Variants in THSD4 observed in about 807,000 individuals in gnomAD.
THSD4 encodes thrombospondin type-1 domain-containing protein 4.
In THSD4, 69 loss-of-function variants were observed where a neutral mutation model predicts 119.0. That is an observed-to-expected ratio of 0.58 (90% CI 0.48 to 0.71). The LOEUF (loss-of-function observed/expected upper bound fraction) is 0.71. Ranked by LOEUF, THSD4 falls within the 30% of genes least tolerant of loss-of-function variation. The probability of loss-of-function intolerance (pLI) is 0.00; values close to 1 mark genes in which losing one functional copy is unlikely to be tolerated. For missense variants in THSD4, 1,393 were observed against 1,391.1 expected, an observed-to-expected ratio of 1.00 and a Z score of -0.02; for synonymous variants, 524 against 540.4, an observed-to-expected ratio of 0.97 and a Z score of 0.42.
intron 2 of THSD4, chr15:71,147,559 G>A (rs2040674979): frequency 6.6e-6 from 1 of 152,128 alleles, no homozygotes; most frequent in South Asian, 2.1e-4. Context: ...TCTTGAGGAT[G>A]GGTCAAGATT....
chr15:71,119,664 C>T (rs1486086669), intron 1 of THSD4, among the ~76,000 whole-genome samples: 1 of 152,160 alleles, frequency 6.6e-6, no homozygotes, highest in Non-Finnish European at 1.5e-5. Context: ...GGGACCTGAG[C>T]GAGTGCTCAG....
In THSD4 at chr15:71,593,221, G is replaced by A. The variant is rs1311824579; in HGVS notation, c.1153-67309G>A. The stretch of plus-strand genomic sequence containing the variant: ...GGGCGGATCACGAGGTCAGGAGATC[G>A]AGACCATCCCGGCTAAAACGGTGAA... On this transcript the variant is annotated intron_variant, in intron 7 of 17. Transcript: ENST00000261862. Among the ~76,000 whole-genome samples, 2 of 6,676 alleles carry A rather than the reference G, an allele frequency of 3.0e-4. 1 individual carries two copies. Among genetic ancestry groups the A allele is most frequent in the African/African-American group, 4.0e-4 (2 of 5,056 alleles). The allele number at this position is 6,676 out of a possible 152,430, so 4.4% of individuals were successfully genotyped here.
Position 71,777,736 on chromosome 15 carries a change from G to A in THSD4, c.*362G>A, listed in dbSNP as rs78526880. On this transcript the variant is annotated 3_prime_UTR_variant, in exon 18 of 18. Coordinates refer to ENST00000261862, the MANE Select transcript of THSD4 (RefSeq NM_024817.3). The stretch of plus-strand genomic sequence containing the variant: ...TGGGCCACTGACTGAGCACTGCCCC[G>A]TCCCTGGTGCTACTGGTCTTTCTAA... 25,458 of 259,514 alleles carry A rather than the reference G, an allele frequency of 0.098. 2,581 individuals carry two copies. Among genetic ancestry groups the A allele is most frequent in the East Asian group, 0.49 (6,185 of 12,598 alleles). The allele number at this position is 259,514 out of a possible 1,614,324, so 16.1% of individuals were successfully genotyped here.
chr15:71,679,979 A>G (rs1194920595), intron 8 of THSD4, among the ~76,000 whole-genome samples: 1 of 152,226 alleles, frequency 6.6e-6, no homozygotes, highest in Non-Finnish European at 1.5e-5. Flanking sequence ...CAGTGACTGT[A>G]GGTTGAGCAC....
intron 13 of THSD4, among the ~76,000 whole-genome samples, chr15:71,747,625 G>T (rs1317578777): frequency 1.3e-5 from 2 of 152,192 alleles, no homozygotes; most frequent in Non-Finnish European, 2.9e-5. Context: ...CAGCACAGAG[G>T]TTGCAATCAC....
intron 6 of THSD4, among the ~76,000 whole-genome samples, chr15:71,384,317 G>A (rs929833757): frequency 1.3e-5 from 2 of 152,094 alleles, no homozygotes; most frequent in East Asian, 3.9e-4. Flanking sequence ...GGCGGAACTT[G>A]CAGTGAGCCG....
At chr15:71,296,275 A>G (rs1237554101) in intron 6 of THSD4, among the ~76,000 whole-genome samples, 1 of 152,228 alleles carries the variant, frequency 6.6e-6, no homozygotes, top group Non-Finnish European at 1.5e-5. Context: ...TCCCATCAAC[A>G]ATAGATAAGG....
intron 7 of THSD4, among the ~76,000 whole-genome samples, chr15:71,467,025 T>G: frequency 6.6e-6 from 1 of 152,214 alleles, no homozygotes; most frequent in East Asian, 1.9e-4. Context: ...GAAGTCTTAT[T>G]CAATTCAAAT....
rs1174902044 is a variant in THSD4, at chr15:71,559,571, T to TC, written c.1153-100959_1153-100958insC. 2.6e-5 allele frequency among the ~76,000 whole-genome samples: 4 copies of TC among 151,966 alleles called. No homozygotes were observed. The East Asian group carries it at 7.8e-4, about 29-fold the overall frequency. ...TTTTATCCTTCTTTTCCTCCTTTTTTTTTTTGCAATAAATGTTTATTGGGC... is the reference window on the plus strand; with the variant it reads ...TTTTATCCTTCTTTTCCTCCTTTTTTCTTTTTGCAATAAATGTTTATTGGGC... On this transcript the variant is annotated intron_variant, in intron 7 of 17. Transcript: ENST00000261862.
At chr15:71,551,627 A>G (rs1223026445) in intron 7 of THSD4, among the ~76,000 whole-genome samples, 1 of 152,302 alleles carries the variant, frequency 6.6e-6, no homozygotes, top group Non-Finnish European at 1.5e-5. Context: ...AGTCTGGGGG[A>G]AACGAGATGG....
chr15:71,220,168 A>AG (rs1220149726), intron 4 of THSD4, among the ~76,000 whole-genome samples: 2 of 152,316 alleles, frequency 1.3e-5, no homozygotes, highest in Non-Finnish European at 1.5e-5. Context: ...AACCCAAAAA[A>AG]CACTGCCCAC....
At chr15:71,271,211 G>T (rs1567176949) in intron 6 of THSD4, among the ~76,000 whole-genome samples, 1 of 152,056 alleles carries the variant, frequency 6.6e-6, no homozygotes, top group Non-Finnish European at 1.5e-5. Context: ...CTTCAAACTG[G>T]TAACAACCCA....
rs550461616 is a variant in THSD4, at chr15:71,669,678, T to A, written c.1357+8944T>A. Among the ~76,000 whole-genome samples, 4 of 152,360 alleles carry A rather than the reference T, an allele frequency of 2.6e-5. 1 individual carries two copies. In the South Asian group the frequency reaches 8.3e-4, roughly 32 times the overall value. On this transcript the variant is annotated intron_variant, in intron 8 of 17. Coordinates refer to ENST00000261862, the MANE Select transcript of THSD4 (RefSeq NM_024817.3). ...TTATATTTATAAAGATAATGGATAGTTGCTTATTCTAGGTACGTTCAGTTG... is the reference window on the plus strand; with the variant it reads ...TTATATTTATAAAGATAATGGATAGATGCTTATTCTAGGTACGTTCAGTTG...
chr15:71,465,140 G>A lies in THSD4; in HGVS notation c.1152+53317G>A, dbSNP rs75290365. ...AGCTTTTAGCCACTGAAATTCTTTA[G>A]TGAATAAACCTGTTTCTACTCATTT... On this transcript the variant is annotated intron_variant, in intron 7 of 17. Coordinates refer to ENST00000261862, the MANE Select transcript of THSD4 (RefSeq NM_024817.3). Among the ~76,000 whole-genome samples, 18 of 152,222 alleles carry A rather than the reference G, an allele frequency of 1.2e-4. No homozygotes were observed. The East Asian group carries it at 3.3e-3, about 28-fold the overall frequency.
intron 7 of THSD4, chr15:71,547,261 C>T (rs1567030489): frequency 9.2e-6 from 13 of 1,420,498 alleles, no homozygotes; most frequent in South Asian, 3.2e-5. Flanking sequence ...CTCGAAGCGC[C>T]GGGCAGTACA....
intron 3 of THSD4, among the ~76,000 whole-genome samples, chr15:71,164,067 T>C (rs1156764484): frequency 3.3e-5 from 5 of 151,976 alleles, no homozygotes; most frequent in Non-Finnish European, 7.4e-5. Context: ...TAAATGTAAG[T>C]GGGCTATGTG....
chr15:71,369,572 G>T lies in THSD4; in HGVS notation c.1016-42115G>T, dbSNP rs549458869. On this transcript the variant is annotated intron_variant, in intron 6 of 17. Coordinates refer to ENST00000261862, the MANE Select transcript of THSD4 (RefSeq NM_024817.3). ...TTTTTGTCGTTGGTTCTGTTTATAT[G>T]CTGGATTATGTTTATTGATTTGTGT... is the stretch of plus-strand genomic sequence containing the variant. Among the ~76,000 whole-genome samples the T allele has an allele frequency of 6.3e-3, 954 of 152,282 alleles. 10 individuals carry two copies. Among genetic ancestry groups the T allele is most frequent in the African/African-American group, 0.022 (897 of 41,538 alleles).
rs564517091 is a variant in THSD4 at position 71,667,946 on chromosome 15, T to C, written c.1357+7212T>C. ...ATAAATAGCTATTTTCTAAAATTGA[T>C]ATTACTATACATACTTTTTGCAATT... is the stretch of plus-strand genomic sequence containing the variant. On this transcript the variant is annotated intron_variant, in intron 8 of 17. Coordinates refer to ENST00000261862, the MANE Select transcript of THSD4 (RefSeq NM_024817.3). 8.8e-4 allele frequency among the ~76,000 whole-genome samples: 134 copies of C among 152,308 alleles called. 1 individual carries two copies. Among genetic ancestry groups the C allele is most frequent in the Non-Finnish European group, 6.6e-4 (45 of 68,012 alleles).
intron 6 of THSD4, among the ~76,000 whole-genome samples, chr15:71,330,097 A>G (rs1346850817): frequency 6.6e-6 from 1 of 151,898 alleles, no homozygotes; most frequent in African/African-American, 2.4e-5. Flanking sequence ...GAAAAAAAAA[A>G]AAAAGACCAC....
Sources: allele counts gnomAD v4.1 joint callset (sites outside exome capture counted in the v4.1 genomes callset), GRCh38; gene constraint gnomAD v4.1.1; transcripts MANE v1.5; gene names NCBI Gene and HGNC (gene_info 2026-07-23, HGNC 2026-07-21).